The following SMYD3 variants were observed in gnomAD, a reference collection of about 807,000 sequenced individuals.
The protein encoded by SMYD3 is histone-lysine N-methyltransferase SMYD3.
In SMYD3, 36 loss-of-function variants were observed where a neutral mutation model predicts 57.7. The ratio of observed to expected loss-of-function variants is 0.62; its 90% CI spans 0.48 to 0.82. The LOEUF is 0.82. SMYD3 is among the 40% of genes least tolerant of loss of function. The pLI is 0.00. For missense variants in SMYD3, 515 were observed against 538.8 expected, an observed-to-expected ratio of 0.96 and a Z score of 0.44; for synonymous variants, 211 against 195.0, an observed-to-expected ratio of 1.08 and a Z score of -0.68.
chr1:246,341,464 CT>C (rs2065632141), intron 2 of SMYD3, among the ~76,000 whole-genome samples: 1 of 152,048 alleles, frequency 6.6e-6, no homozygotes, highest in Non-Finnish European at 1.5e-5. Flanking sequence ...TTAAGTACAC[CT>C]TGCATGAAAC....
intron 9 of SMYD3, among the ~76,000 whole-genome samples, chr1:245,861,992 C>G (rs1184056411): frequency 1.0e-5 from 1 of 99,650 alleles, no homozygotes; most frequent in African/African-American, 2.7e-5. Flanking sequence ...ATCCATGGGC[C>G]CCAATACCGC....
chr1:245,933,724 G>T (rs754595488), intron 5 of SMYD3, among the ~76,000 whole-genome samples: 6 of 152,126 alleles, frequency 3.9e-5, no homozygotes, highest in Non-Finnish European at 8.8e-5. Flanking sequence ...CAAAATGAGT[G>T]TATTACCATG....
chr1:246,207,438 G>A (rs2063017423), intron 5 of SMYD3, among the ~76,000 whole-genome samples: 1 of 152,090 alleles, frequency 6.6e-6, no homozygotes, highest in African/African-American at 2.4e-5. Flanking sequence ...GATGGAACTG[G>A]TACGTGTCAT....
chr1:245,974,091 T>C (rs1359206647), intron 5 of SMYD3, among the ~76,000 whole-genome samples: 1 of 152,156 alleles, frequency 6.6e-6, no homozygotes. Flanking sequence ...GATGCCACTA[T>C]CTGTTCAGGC....
chr1:245,829,224 T>G (rs758722902), intron 10 of SMYD3, among the ~76,000 whole-genome samples: 15 of 152,140 alleles, frequency 9.9e-5, no homozygotes, highest in Non-Finnish European at 1.9e-4. Flanking sequence ...GAAGCTAACT[T>G]AATTCTAGGG....
At chr1:246,462,803 A>G (rs1029119293) in intron 1 of SMYD3, among the ~76,000 whole-genome samples, 49 of 152,224 alleles carry the variant, frequency 3.2e-4, no homozygotes, top group African/African-American at 1.2e-3. Context: ...GAAACATTTT[A>G]GGTCGAAATG....
intron 10 of SMYD3, among the ~76,000 whole-genome samples, chr1:245,783,518 T>C (rs1246947360): frequency 6.6e-6 from 1 of 152,132 alleles, no homozygotes; most frequent in Non-Finnish European, 1.5e-5. Context: ...CATACTCATA[T>C]TGAACATAAT....
At chr1:246,296,773 A>G (rs1572349922) in intron 5 of SMYD3, among the ~76,000 whole-genome samples, 1 of 152,302 alleles carries the variant, frequency 6.6e-6, no homozygotes, top group East Asian at 1.9e-4. Context: ...CAAAATATTA[A>G]TACAATATGA....
At chr1:246,254,725 A>T (rs10802371) in intron 5 of SMYD3, among the ~76,000 whole-genome samples, 31,570 of 152,082 alleles carry the variant, frequency 0.21, 3,991 homozygotes, top group East Asian at 0.58. Flanking sequence ...CTATGGGCAG[A>T]ATGGCCATTT....
At chr1:246,216,911 C>T (rs1030393129) in intron 5 of SMYD3, among the ~76,000 whole-genome samples, 3 of 152,074 alleles carry the variant, frequency 2.0e-5, no homozygotes, top group Non-Finnish European at 2.9e-5. Flanking sequence ...GTGTGGGCCT[C>T]ATCCAGACTG....
rs547105719 is a variant in SMYD3, at chr1:245,977,660, C to T, written c.532-47723G>A. ...TGCCACTGCATTCCAGCCTGGGTGACGGAGTGAGACTGTCTCAGAAAACAA... is the reference window on the plus strand; with the variant it reads ...TGCCACTGCATTCCAGCCTGGGTGATGGAGTGAGACTGTCTCAGAAAACAA... On this transcript the variant is annotated intron_variant, in intron 5 of 11. Transcript: ENST00000490107. 1.2e-3 allele frequency among the ~76,000 whole-genome samples: 182 copies of T among 152,274 alleles called. 1 individual carries two copies. Among genetic ancestry groups the T allele is most frequent in the Middle Eastern group, 0.01 (3 of 294 alleles).
chr1:246,478,311 G>A (rs1484603552), intron 1 of SMYD3, among the ~76,000 whole-genome samples: 1 of 152,254 alleles, frequency 6.6e-6, no homozygotes, highest in Non-Finnish European at 1.5e-5. Flanking sequence ...GAGTCAGGAG[G>A]TGAGAAAGCA....
At chr1:246,368,550 A>C (rs953635352) in intron 1 of SMYD3, among the ~76,000 whole-genome samples, 10 of 152,222 alleles carry the variant, frequency 6.6e-5, no homozygotes, top group Non-Finnish European at 1.0e-4. Context: ...AACATGTCTT[A>C]ATTACCTAAA....
chr1:246,159,358 T>C (rs1325369415), intron 5 of SMYD3, among the ~76,000 whole-genome samples: 2 of 152,100 alleles, frequency 1.3e-5, no homozygotes, highest in African/African-American at 4.8e-5. Flanking sequence ...AACTCAGCCT[T>C]CCAGTGATGA....
intron 5 of SMYD3, among the ~76,000 whole-genome samples, chr1:246,187,399 T>C (rs2062660023): frequency 6.6e-6 from 1 of 152,180 alleles, no homozygotes; most frequent in African/African-American, 2.4e-5. Flanking sequence ...GGTTCTTATG[T>C]CCTGTGTTCA....
intron 5 of SMYD3, among the ~76,000 whole-genome samples, chr1:245,948,409 G>A (rs529997817): frequency 6.6e-6 from 1 of 152,278 alleles, no homozygotes; most frequent in South Asian, 2.1e-4. Flanking sequence ...TGTGTGGAGA[G>A]AGTAAGTGAG....
At chr1:246,336,885 A>T (rs925163196) in intron 2 of SMYD3, among the ~76,000 whole-genome samples, 1 of 152,230 alleles carries the variant, frequency 6.6e-6, no homozygotes, top group Non-Finnish European at 1.5e-5. Context: ...CTTACAAGCA[A>T]GGCAAAAAAG....
intron 2 of SMYD3, among the ~76,000 whole-genome samples, chr1:246,348,060 T>TCATATATATATATA (rs1173574600): frequency 0.052 from 4,298 of 82,938 alleles, 319 homozygotes; most frequent in South Asian, 0.1. Context: ...AAAGAAAACG[T>TCATATATATATATA]TATATATATA....
chr1:246,133,614 C>G (rs1414834395), intron 5 of SMYD3, among the ~76,000 whole-genome samples: 2 of 152,080 alleles, frequency 1.3e-5, no homozygotes, highest in East Asian at 3.9e-4. Flanking sequence ...TATATGTCAT[C>G]ACGATTGGCT....
Sources: allele counts gnomAD v4.1 joint callset (sites outside exome capture counted in the v4.1 genomes callset), GRCh38; gene constraint gnomAD v4.1.1; transcripts MANE v1.5; gene names NCBI Gene and HGNC (gene_info 2026-07-23, HGNC 2026-07-21).